Variants in GNB1L observed in about 807,000 individuals in gnomAD.
The protein encoded by GNB1L is guanine nucleotide-binding protein subunit beta-like protein 1.
GNB1L carries 20 observed loss-of-function variants against 29.1 expected under a neutral mutation model. The observed-to-expected ratio is 0.69, with a 90% CI of 0.48 to 1.00. GNB1L has a LOEUF of 1.00. Among genes scored for constraint, GNB1L ranks in the 50% least tolerant of loss-of-function variants. The pLI is 0.00. For synonymous variants in GNB1L, 193 were observed against 206.5 expected (o/e 0.93, Z 0.56); for missense variants, 421 against 464.9 (o/e 0.91, Z 0.87).
At chr22:19,794,922 A>G (rs1157884297) in intron 7 of GNB1L, among the ~76,000 whole-genome samples, 2 of 152,208 alleles carry the variant, frequency 1.3e-5, no homozygotes, top group African/African-American at 4.8e-5. Context: ...CGGAGGTTGC[A>G]GTGAGCCGAG....
At chr22:19,851,441 G>T in intron 2 of GNB1L, 1 of 1,614,046 alleles carries the variant, frequency 6.2e-7, no homozygotes, top group Non-Finnish European at 8.5e-7. Context: ...TGTAGAACTG[G>T]GCAGGACTGG....
At chr22:19,794,389 G>T (rs558116202) in intron 7 of GNB1L, among the ~76,000 whole-genome samples, 1 of 152,344 alleles carries the variant, frequency 6.6e-6, no homozygotes, top group African/African-American at 2.4e-5. Flanking sequence ...TGTGAGGCGG[G>T]ATGTAAACAA....
chr22:19,850,976 G>A, intron 2 of GNB1L: 1 of 1,409,190 alleles, frequency 7.1e-7, no homozygotes, highest in Non-Finnish European at 9.2e-7. Flanking sequence ...ACAGGGCGGA[G>A]GTCAAGCTCT....
At chr22:19,820,081 G>A (rs1364014109) in intron 4 of GNB1L, among the ~76,000 whole-genome samples, 6 of 152,124 alleles carry the variant, frequency 3.9e-5, no homozygotes, top group Non-Finnish European at 7.4e-5. Flanking sequence ...CCAGCTCCTA[G>A]GGCCTCCACC....
At chr22:19,846,660 G>A (rs752409219) in intron 2 of GNB1L, 40 of 687,284 alleles carry the variant, frequency 5.8e-5, no homozygotes, top group Non-Finnish European at 7.0e-5. Context: ...CTTTAAAGAG[G>A]TAATTCAGGG....
At chr22:19,789,776 C>T (rs1272747004) in intron 7 of GNB1L, among the ~76,000 whole-genome samples, 2 of 148,632 alleles carry the variant, frequency 1.3e-5, no homozygotes, top group South Asian at 4.2e-4. Context: ...ATGGAGGCTG[C>T]AGTGAGCTGA....
At chr22:19,851,080 C>T in intron 2 of GNB1L, 2 of 1,478,480 alleles carry the variant, frequency 1.4e-6, no homozygotes, top group African/African-American at 2.8e-5. Context: ...GGGGACACCA[C>T]TCTGCTCTGA....
chr22:19,851,983 C>T (rs751425423), intron 2 of GNB1L: 1 of 1,614,170 alleles, frequency 6.2e-7, no homozygotes, highest in South Asian at 1.1e-5. Flanking sequence ...AGAAGTCCAC[C>T]CTGTGGGGTC....
At chr22:19,837,986 G>A (rs894502667) in intron 2 of GNB1L, among the ~76,000 whole-genome samples, 2 of 152,250 alleles carry the variant, frequency 1.3e-5, no homozygotes, top group East Asian at 3.8e-4. Flanking sequence ...GAAGGGAGGG[G>A]CATGCAGAGA....
In GNB1L at chr22:19,816,602, A is replaced by C. The variant is rs1473889205; in HGVS notation, c.254+3996T>G. On this transcript the variant is annotated intron_variant, in intron 4 of 7. Coordinates refer to ENST00000329517, the MANE Select transcript of GNB1L (RefSeq NM_053004.3). This position sits in a 1 kb window ranked among gnomAD's most constrained non-coding sequence, Gnocchi z 4.4. ...ACACACACATGCCTCACATGCATGC[A>C]CACAACACACAATCACACACACCAC... is the stretch of plus-strand genomic sequence containing the variant. 1.3e-5 allele frequency among the ~76,000 whole-genome samples: 2 copies of C among 152,054 alleles called. No individual in the cohort carries two copies. Among genetic ancestry groups the C allele is most frequent in the African/African-American group, 4.8e-5 (2 of 41,404 alleles).
intron 5 of GNB1L, among the ~76,000 whole-genome samples, chr22:19,807,489 A>G (rs5993835): frequency 0.048 from 7,256 of 151,476 alleles, 418 homozygotes; most frequent in African/African-American, 0.13. Context: ...CCCCAGGTAC[A>G]AGCGAGAGCA....
intron 2 of GNB1L, among the ~76,000 whole-genome samples, chr22:19,832,555 A>C (rs1937697754): frequency 6.6e-6 from 1 of 152,146 alleles, no homozygotes; most frequent in Non-Finnish European, 1.5e-5. Flanking sequence ...AAATTTCTAG[A>C]TAGAGATACA....
rs117732907 is a variant in GNB1L, at chr22:19,845,662, C to T, written c.-21+8781G>A. Among the ~76,000 whole-genome samples the T allele has an allele frequency of 7.9e-5, 12 of 152,310 alleles. 1 individual carries two copies. Among genetic ancestry groups the T allele is most frequent in the East Asian group, 3.9e-4 (2 of 5,170 alleles). On this transcript the variant is annotated intron_variant, in intron 2 of 7. Transcript: ENST00000329517. ...TCTTCCTTGGCCAGCCCCTACCCAC[C>T]GTGTCCCTGTAATAGAGATGATGTA... is the stretch of plus-strand genomic sequence containing the variant.
chr22:19,853,049 A>C (rs1938147126), intron 2 of GNB1L, among the ~76,000 whole-genome samples: 1 of 152,172 alleles, frequency 6.6e-6, no homozygotes, highest in South Asian at 2.1e-4. Flanking sequence ...GGCACACAGC[A>C]GGTCCTACCT....
At position 19,788,712 on chromosome 22, in the gene GNB1L, T is replaced by C. The variant is rs758623156; in HGVS notation, c.981A>G (p.Ala327=). Residue 327 remains alanine (A), a synonymous_variant, in exon 8 of 8, where the codon GCA becomes GCG. Transcript: ENST00000329517. ...TCCCGGGAAGGGAGTGGGTGAGTCA[T>C]GCGCGTGGGTAGAGTGACCAGAGGC... ...RISLWSLYPR[A] is the part of the protein sequence containing the mutation. 6 of 1,611,062 alleles carry C rather than the reference T, an allele frequency of 3.7e-6. No homozygotes were observed. The South Asian group carries it at 5.5e-5, about 15-fold the overall frequency.
intron 2 of GNB1L, among the ~76,000 whole-genome samples, chr22:19,841,308 T>G (rs192245057): frequency 4.1e-4 from 62 of 152,366 alleles, no homozygotes; most frequent in African/African-American, 1.2e-3. Flanking sequence ...TCTTGTGCTA[T>G]TTTTTCTTGT....
intron 7 of GNB1L, among the ~76,000 whole-genome samples, chr22:19,791,608 A>C (rs2145859961): frequency 6.6e-6 from 1 of 152,326 alleles, no homozygotes; most frequent in Admixed American, 6.5e-5. Flanking sequence ...GAGGGAGCTG[A>C]AGATTGTCTG....
intron 6 of GNB1L, among the ~76,000 whole-genome samples, chr22:19,805,862 C>T (rs1240344206): frequency 6.6e-6 from 1 of 152,198 alleles, no homozygotes; most frequent in East Asian, 1.9e-4. Context: ...GCTGGTGACC[C>T]CTTACCGTGG....
At position 19,802,210 on chromosome 22, in the gene GNB1L, A is replaced by G; in HGVS notation, c.523T>C (p.Cys175Arg). ...GCCAGAAGGAGTGGGCGGGAGCTGC[A>G]GTCGGCCTGCGGGGAACAGCAGAGC... ...PMCLRLWQADCSSRPLLLAGY... is the reference protein window; with the variant it reads ...PMCLRLWQADRSSRPLLLAGY... Residue 175 changes from cysteine to arginine, a missense_variant, in exon 7 of 8, where the codon TGC (cysteine) becomes CGC (arginine). By Grantham distance (180) the Cys-to-Arg change is radical. Coordinates refer to ENST00000329517, the MANE Select transcript of GNB1L (RefSeq NM_053004.3). The G allele has an allele frequency of 6.2e-7, 1 of 1,612,516 alleles. No individual in the cohort carries two copies. Among genetic ancestry groups the G allele is most frequent in the Non-Finnish European group, 8.5e-7 (1 of 1,179,942 alleles).
Sources: allele counts gnomAD v4.1 joint callset (sites outside exome capture counted in the v4.1 genomes callset), GRCh38; gene constraint gnomAD v4.1.1; non-coding constraint Gnocchi (gnomAD v3.1); transcripts MANE v1.5; gene names NCBI Gene and HGNC (gene_info 2026-07-23, HGNC 2026-07-21).